The following DLGAP2 variants were observed in gnomAD, a reference collection of about 807,000 sequenced individuals.
DLGAP2 encodes the protein disks large-associated protein 2.
A neutral mutation model predicts 100.3 loss-of-function variants in DLGAP2; 26 were observed. That is an observed-to-expected ratio of 0.26 (90% CI 0.19 to 0.36). The LOEUF (loss-of-function observed/expected upper bound fraction) is 0.36, where lower values mean the gene tolerates loss of function less well. DLGAP2 is among the 10% of genes least tolerant of loss of function. The pLI is 1.00. For missense variants in DLGAP2, 1,858 were observed against 1,453.2 expected (o/e 1.28, Z -4.53); for synonymous variants, 886 against 630.1 (o/e 1.41, Z -6.08).
intron 4 of DLGAP2, among the ~76,000 whole-genome samples, chr8:1,526,140 C>T (rs940703693): frequency 1.3e-5 from 2 of 151,190 alleles, no homozygotes; most frequent in Non-Finnish European, 2.9e-5. Context: ...GAGCGCTTCT[C>T]AGTTCCCATG....
At chr8:1,033,584 C>G (rs951359659) in intron 2 of DLGAP2, among the ~76,000 whole-genome samples, 2 of 152,304 alleles carry the variant, frequency 1.3e-5, no homozygotes, top group Admixed American at 6.5e-5. Context: ...AGGAGGATAG[C>G]TTGAGCCTAG....
chr8:1,010,053 A>C (rs1801230344), intron 2 of DLGAP2, among the ~76,000 whole-genome samples: 1 of 152,248 alleles, frequency 6.6e-6, no homozygotes, highest in South Asian at 2.1e-4. Flanking sequence ...GTTGCTTTTA[A>C]TATCGTGGTA....
intron 12 of DLGAP2, among the ~76,000 whole-genome samples, chr8:1,683,834 C>CTATATATATATATATATATATA (rs35210879): frequency 2.3e-4 from 13 of 56,116 alleles, no homozygotes; most frequent in East Asian, 6.6e-4. Context: ...CTTTGCTCCA[C>CTATATATATATATATATATATA]TATATATATA....
chr8:805,096 C>T (rs905545753), intron 1 of DLGAP2, among the ~76,000 whole-genome samples: 6 of 152,152 alleles, frequency 3.9e-5, no homozygotes, highest in African/African-American at 1.4e-4. Flanking sequence ...AAGCTCTAGA[C>T]ACTTACCTGA....
chr8:1,384,157 G>A (rs1796159468), intron 3 of DLGAP2, among the ~76,000 whole-genome samples: 1 of 152,254 alleles, frequency 6.6e-6, no homozygotes, highest in Non-Finnish European at 1.5e-5. Flanking sequence ...TTTTTAAAGT[G>A]AAAGTTACTG....
At position 1,585,372 on chromosome 8, in the gene DLGAP2, G is replaced by C. The variant is rs1320417855; in HGVS notation, c.1442+19478G>C. ...CCAGGTACCCAGGTGGCCGAGCCAG[G>C]AGAATTGCGTGAATCTGGGAGGCGG... is the stretch of plus-strand genomic sequence containing the variant. On this transcript the variant is annotated intron_variant, in intron 6 of 14. Coordinates refer to ENST00000637795, the MANE Select transcript of DLGAP2 (RefSeq NM_001346810.2). 5.9e-5 allele frequency among the ~76,000 whole-genome samples: 9 copies of C among 152,060 alleles called. 1 individual carries two copies. Among genetic ancestry groups the C allele is most frequent in the East Asian group, 3.9e-4 (2 of 5,170 alleles).
At chr8:1,337,391 G>GGACGATGGT (rs1801305272) in intron 3 of DLGAP2, among the ~76,000 whole-genome samples, 8 of 104,124 alleles carry the variant, frequency 7.7e-5, no homozygotes, top group African/African-American at 1.3e-4. Flanking sequence ...GTGATGGTGA[G>GGACGATGGT]GATGATGGTG....
At chr8:871,464 A>C (rs761730569) in intron 1 of DLGAP2, among the ~76,000 whole-genome samples, 1 of 152,210 alleles carries the variant, frequency 6.6e-6, no homozygotes, top group Non-Finnish European at 1.5e-5. Context: ...TTCTTCATCC[A>C]GATAAACTTT....
chr8:1,663,127 G>GGT (rs1327173513), intron 8 of DLGAP2, among the ~76,000 whole-genome samples: 1 of 106,008 alleles, frequency 9.4e-6, no homozygotes, highest in Non-Finnish European at 1.9e-5. Context: ...CAGTGTGGGG[G>GGT]GTGTGTGTGT....
chr8:1,493,444 C>T (rs1258250929), intron 3 of DLGAP2, among the ~76,000 whole-genome samples: 1 of 152,150 alleles, frequency 6.6e-6, no homozygotes, highest in Admixed American at 6.5e-5. Context: ...CTTTCAGACA[C>T]GCCTCTGCGA....
chr8:812,240 C>T (rs1796386205), intron 1 of DLGAP2, among the ~76,000 whole-genome samples: 1 of 152,174 alleles, frequency 6.6e-6, no homozygotes, highest in Non-Finnish European at 1.5e-5. Context: ...GTTCGAAGGC[C>T]GTCTGGAGGT....
At chr8:1,506,512 A>T (rs534052719) in intron 4 of DLGAP2, among the ~76,000 whole-genome samples, 21 of 152,330 alleles carry the variant, frequency 1.4e-4, no homozygotes, top group African/African-American at 4.8e-4. Flanking sequence ...GTTGCAGCTC[A>T]TAAAAGGAGT....
At chr8:1,560,219 A>C (rs1046375109) in intron 5 of DLGAP2, among the ~76,000 whole-genome samples, 1 of 152,198 alleles carries the variant, frequency 6.6e-6, no homozygotes, top group Non-Finnish European at 1.5e-5. Flanking sequence ...TGCACATAAC[A>C]CAGTTACATC....
At chr8:1,493,235 A>C (rs1437380321) in intron 3 of DLGAP2, among the ~76,000 whole-genome samples, 1 of 152,048 alleles carries the variant, frequency 6.6e-6, no homozygotes, top group African/African-American at 2.4e-5. Context: ...CCATGGATGG[A>C]GCGCATAGAG....
intron 1 of DLGAP2, among the ~76,000 whole-genome samples, chr8:896,506 T>C (rs113596115): frequency 2.0e-5 from 3 of 152,104 alleles, no homozygotes; most frequent in African/African-American, 7.2e-5. Context: ...TGCCATGGAC[T>C]GAACATGTCC....
rs563389850 is a variant in DLGAP2, at chr8:1,270,867, G to T, written c.106+11984G>T. ...ACAGAGTGAAACCTCTGCTGTCAGG[G>T]TCTGATTTTTATTTTCTAGATGTTC... On this transcript the variant is annotated intron_variant, in intron 3 of 14. Transcript: ENST00000637795. Among the ~76,000 whole-genome samples the T allele has an allele frequency of 2.0e-3, 302 of 152,036 alleles. 2 individuals are homozygous for T. Among genetic ancestry groups the T allele is most frequent in the African/African-American group, 7.0e-3 (289 of 41,472 alleles).
chr8:1,593,908 C>T (rs148749903), intron 6 of DLGAP2, among the ~76,000 whole-genome samples: 2 of 152,340 alleles, frequency 1.3e-5, no homozygotes, highest in East Asian at 3.9e-4. Flanking sequence ...TCAGCTTCTT[C>T]AGGGTTGCAC....
chr8:1,068,471 G>C (rs1803324749), intron 2 of DLGAP2, among the ~76,000 whole-genome samples: 1 of 152,194 alleles, frequency 6.6e-6, no homozygotes, highest in South Asian at 2.1e-4. Flanking sequence ...GGCTGTCTGT[G>C]CTGGGTTTTG....
chr8:1,169,094 C>A (rs9693408), intron 2 of DLGAP2, among the ~76,000 whole-genome samples: 122,785 of 145,260 alleles, frequency 0.85, 52,021 homozygotes, highest in Middle Eastern at 0.89. Flanking sequence ...TCAGCTTTCT[C>A]CATATGGCTA....
Sources: allele counts gnomAD v4.1 joint callset (sites outside exome capture counted in the v4.1 genomes callset), GRCh38; gene constraint gnomAD v4.1.1; transcripts MANE v1.5; gene names NCBI Gene and HGNC (gene_info 2026-07-23, HGNC 2026-07-21).